The following MCPH1 variants were observed in gnomAD, a reference collection of about 807,000 sequenced individuals.
MCPH1 encodes microcephalin 1, also known as microcephalin.
A neutral mutation model predicts 84.5 loss-of-function variants in MCPH1; 104 were observed. The ratio of observed to expected loss-of-function variants is 1.23; its 90% CI spans 1.05 to 1.45. The LOEUF is 1.45. MCPH1 is among the 40% of genes most tolerant of loss of function. The probability of loss-of-function intolerance (pLI) is 0.00; values close to 1 mark genes in which losing one functional copy is unlikely to be tolerated. For synonymous variants in MCPH1, 514 were observed against 366.8 expected (o/e 1.40, Z -4.58); for missense variants, 1,498 against 1,005.7 (o/e 1.49, Z -6.62).
At chr8:6,487,040 C>G (rs905119582) in intron 11 of MCPH1, among the ~76,000 whole-genome samples, 3 of 152,214 alleles carry the variant, frequency 2.0e-5, no homozygotes, top group African/African-American at 4.8e-5. Flanking sequence ...CCGTGTCACT[C>G]TGTCCAGCAC....
chr8:6,437,214 A>G (rs550197529), intron 5 of MCPH1, among the ~76,000 whole-genome samples: 3 of 152,096 alleles, frequency 2.0e-5, no homozygotes, highest in Non-Finnish European at 2.9e-5. Context: ...AAATTATTCA[A>G]ATAGAATTGT....
In MCPH1 at chr8:6,444,739, A is replaced by G. The variant is rs1429466578; in HGVS notation, c.1017A>G (p.Thr339=). Reference sequence around the variant, plus strand: ...GTTTGTCTCCTACCTTATCTTCAACAAAAGGCCACCTTTTGATACATTCAA... The same window carrying G: ...GTTTGTCTCCTACCTTATCTTCAACGAAAGGCCACCTTTTGATACATTCAA... The part of the protein sequence containing the change: ...KYRLSPTLSS[T]KGHLLIHSRP... The change falls in exon 8 of 14, where the codon ACA becomes ACG. Residue 339 remains threonine (T), a synonymous_variant. Coordinates refer to ENST00000344683, the MANE Select transcript of MCPH1 (RefSeq NM_024596.5). 5 of 1,614,128 alleles carry G rather than the reference A, an allele frequency of 3.1e-6. No homozygotes were observed. Among genetic ancestry groups the G allele is most frequent in the Admixed American group, 1.7e-5 (1 of 60,024 alleles).
chr8:6,555,362 A>G (rs1380049596), intron 12 of MCPH1, among the ~76,000 whole-genome samples: 1 of 152,138 alleles, frequency 6.6e-6, no homozygotes, highest in African/African-American at 2.4e-5. Context: ...CCCCCTGTCA[A>G]CTTCCAGAAC....
rs939512385 is a variant in MCPH1, at chr8:6,522,240, A to G, written c.2214+22311A>G. ...CGTGGTGGCGGGCGCCTGTAGTCAC[A>G]GCTACTCTGGAGGCTGAGGCAGGAG... On this transcript the variant is annotated intron_variant, in intron 12 of 13. Transcript: ENST00000344683. Among the ~76,000 whole-genome samples the G allele has an allele frequency of 2.5e-4, 38 of 152,164 alleles. 1 individual carries two copies. The highest frequency in any genetic ancestry group is 1.4e-3 in the Admixed American group (22 of 15,292).
At chr8:6,506,502 T>C (rs1813758302) in intron 12 of MCPH1, among the ~76,000 whole-genome samples, 1 of 152,112 alleles carries the variant, frequency 6.6e-6, no homozygotes, top group Non-Finnish European at 1.5e-5. Context: ...CACATACGGG[T>C]GGTCTAATAA....
chr8:6,459,469 T>C (rs995936280), intron 9 of MCPH1, among the ~76,000 whole-genome samples: 1 of 152,240 alleles, frequency 6.6e-6, no homozygotes, highest in Admixed American at 6.5e-5. Context: ...TATTAGATTC[T>C]ATTAAGCACA....
chr8:6,410,493 A>G (rs771597900), intron 2 of MCPH1, among the ~76,000 whole-genome samples: 11 of 152,196 alleles, frequency 7.2e-5, no homozygotes, highest in East Asian at 1.9e-4. Flanking sequence ...GCCTTATTCA[A>G]GGTTTCTTAG....
chr8:6,458,801 C>T lies in MCPH1; in HGVS notation c.1935+3549C>T, dbSNP rs565862472. 3.9e-5 allele frequency among the ~76,000 whole-genome samples: 6 copies of T among 152,156 alleles called. No homozygotes were observed. In the East Asian group the frequency reaches 7.8e-4, roughly 20 times the overall value. ...CTGGAACCACAGGCACCCGCCAGCA[C>T]GCCTGGCTAATTTTTTAAGTTTTTT... On this transcript the variant is annotated intron_variant, in intron 9 of 13. Coordinates refer to ENST00000344683, the MANE Select transcript of MCPH1 (RefSeq NM_024596.5).
At chr8:6,521,538 C>T (rs963204751) in intron 12 of MCPH1, 1 of 694,492 alleles carries the variant, frequency 1.4e-6, no homozygotes. Context: ...TATGATGTTA[C>T]CAGAGCCCTA....
chr8:6,487,198 G>A (rs1420898228), intron 11 of MCPH1, among the ~76,000 whole-genome samples: 3 of 152,222 alleles, frequency 2.0e-5, no homozygotes, highest in Non-Finnish European at 2.9e-5. Flanking sequence ...ACAACAAAAT[G>A]TCAAGGCCGC....
intron 12 of MCPH1, among the ~76,000 whole-genome samples, chr8:6,505,385 C>CATAAAGAA (rs1813287727): frequency 2.2e-5 from 1 of 45,576 alleles, no homozygotes; most frequent in African/African-American, 7.2e-5. Context: ...TATATTCTTT[C>CATAAAGAA]TATATGTATA....
intron 13 of MCPH1, among the ~76,000 whole-genome samples, chr8:6,627,958 A>G (rs773022814): frequency 2.3e-4 from 35 of 152,032 alleles, no homozygotes; most frequent in Non-Finnish European, 4.6e-4. Flanking sequence ...AAAATTAACT[A>G]ACTGCTAGCT....
At chr8:6,500,172 C>G in intron 12 of MCPH1, 1 of 505,904 alleles carries the variant, frequency 2.0e-6, no homozygotes, top group Non-Finnish European at 3.6e-6. Context: ...GATTAACATC[C>G]TCAGAACTGA....
In MCPH1 at chr8:6,444,875, C is replaced by T. The variant is rs1251685626; in HGVS notation, c.1153C>T (p.Leu385=). Residue 385 remains leucine, a synonymous_variant, in exon 8 of 14, where the codon CTG becomes TTG. Transcript: ENST00000344683. The part of the protein sequence containing the change: ...RSTRRSIMPR[L]QLCRSEDRLQ... ...CACCAGGAGATCTATCATGCCGAGGCTGCAGCTGTGCAGGTCGGAAGACAG... is the reference window on the plus strand; with the variant it reads ...CACCAGGAGATCTATCATGCCGAGGTTGCAGCTGTGCAGGTCGGAAGACAG... The T allele has an allele frequency of 3.7e-6, 6 of 1,614,164 alleles. No homozygotes were observed. Among genetic ancestry groups the T allele is most frequent in the Non-Finnish European group, 5.1e-6 (6 of 1,180,038 alleles).
intron 8 of MCPH1, among the ~76,000 whole-genome samples, chr8:6,449,639 GAAAA>G (rs112855191): frequency 2.3e-5 from 3 of 133,064 alleles, no homozygotes; most frequent in African/African-American, 5.5e-5. Context: ...GTCTCAAAAA[GAAAA>G]AAAAAAAAAG....
intron 3 of MCPH1, among the ~76,000 whole-genome samples, chr8:6,431,195 A>T (rs149622198): frequency 8.9e-4 from 135 of 152,300 alleles, no homozygotes; most frequent in African/African-American, 2.9e-3. Flanking sequence ...ATTTACCCTT[A>T]GCTTTATGAG....
At position 6,477,627 on chromosome 8, in the gene MCPH1, T is replaced by C. The variant is rs1490001190; in HGVS notation, c.1969T>C (p.Ser657Pro). The stretch of plus-strand genomic sequence containing the variant: ...AACATTAGTCATGACAAGCATGCCA[T>C]CTGAGTAAGTACTTGTTTTGATTTC... ...TRTLVMTSMPSEKQNVVIQVV... is the reference protein window; with the variant it reads ...TRTLVMTSMPPEKQNVVIQVV... The change falls in exon 10 of 14, where the codon TCT (serine) becomes CCT (proline). Residue 657 changes from serine to proline, a missense_variant. Physicochemically the swap from Ser to Pro is moderately conservative, Grantham distance 74 (BLOSUM62 -1). Transcript: ENST00000344683. 1 of 1,612,350 alleles carries C rather than the reference T, an allele frequency of 6.2e-7. No homozygotes were observed. Among genetic ancestry groups the C allele is most frequent in the East Asian group, 2.2e-5 (1 of 44,828 alleles).
chr8:6,448,790 G>A (rs1453578019), intron 8 of MCPH1, among the ~76,000 whole-genome samples: 1 of 152,160 alleles, frequency 6.6e-6, no homozygotes, highest in Non-Finnish European at 1.5e-5. Flanking sequence ...GAGCCTATAG[G>A]TAGGGTCAGC....
chr8:6,492,000 G>A (rs1810650918), intron 11 of MCPH1, among the ~76,000 whole-genome samples: 1 of 152,214 alleles, frequency 6.6e-6, no homozygotes, highest in South Asian at 2.1e-4. Flanking sequence ...CCAGTAATGG[G>A]ATGGCTGGAT....
Sources: allele counts gnomAD v4.1 joint callset (sites outside exome capture counted in the v4.1 genomes callset), GRCh38; gene constraint gnomAD v4.1.1; transcripts MANE v1.5; gene names NCBI Gene and HGNC (gene_info 2026-07-23, HGNC 2026-07-21).